The following SAGE1 variants were observed in gnomAD, a reference collection of about 807,000 sequenced individuals.
SAGE1 encodes the protein sarcoma antigen 1.
A neutral mutation model predicts 55.4 loss-of-function variants in SAGE1; 55 were observed. That is an observed-to-expected ratio of 0.99 (90% CI 0.80 to 1.24). The LOEUF (loss-of-function observed/expected upper bound fraction) is 1.24. Among genes scored for constraint, SAGE1 ranks in the 50% most tolerant of loss-of-function variants. SAGE1 has a pLI of 0.00. For synonymous variants in SAGE1, 240 were observed against 244.3 expected (o/e 0.98, Z 0.17); for missense variants, 710 against 704.4 (o/e 1.01, Z -0.09).
At chrX:135,894,935 TA>T (rs1417822776) in intron 1 of SAGE1, among the ~76,000 whole-genome samples, 2 of 111,098 alleles carry the variant, frequency 1.8e-5, no homozygotes, top group African/African-American at 6.6e-5. Flanking sequence ...ATGAGCAGTT[TA>T]TTTTTTTAAT....
Position 135,910,084 on chromosome X carries a change from C to T in SAGE1, c.1778C>T (p.Ala593Val), listed in dbSNP as rs782672126. 102 of 1,204,163 alleles carry T rather than the reference C, an allele frequency of 8.5e-5. No homozygotes were observed. The highest frequency in any genetic ancestry group is 1.1e-4 in the Non-Finnish European group (97 of 890,118). ...HEEKIKNGQAASDNVFSTVPP... is the reference protein window; with the variant it reads ...HEEKIKNGQAVSDNVFSTVPP... ...GAGAAGATTAAAAATGGCCAAGCAG[C>T]ATCCGATAATGTCTTCTCGACTGTT... The change falls in exon 15 of 20, where the codon GCA becomes GTA. Residue 593 changes from alanine to valine, a missense_variant. Transcript: ENST00000370709.
chrX:135,905,923 T>A (rs1303517846), intron 5 of SAGE1, 101 bp from the exon 6 acceptor site: 1 of 745,945 alleles, frequency 1.3e-6, no homozygotes, highest in Non-Finnish European at 2.0e-6. Flanking sequence ...TCCTCCTGGT[T>A]TATGGGATAA....
chrX:135,904,427 T>C (rs1347074728), intron 3 of SAGE1, 50 bp from the exon 4 acceptor site: 29 of 810,180 alleles, frequency 3.6e-5, no homozygotes, highest in Non-Finnish European at 5.4e-5. Flanking sequence ...GCCTGTGCCA[T>C]TGACATAATG....
At position 135,905,310 on chromosome X, in the gene SAGE1, T is replaced by A. The variant is rs782114112; in HGVS notation, c.372T>A (p.Thr124=). The A allele has an allele frequency of 8.3e-7, 1 of 1,206,116 alleles. No individual in the cohort carries two copies. Among genetic ancestry groups the A allele is most frequent in the African/African-American group, 1.8e-5 (1 of 56,965 alleles). The change falls in exon 5 of 20, where the codon ACT becomes ACA. Residue 124 remains threonine (T), a synonymous_variant. Transcript: ENST00000370709. ...EERMENGQSR[T]DKVLSTAPPQ... ...GGATGGAAAATGGCCAATCTCGAACTGACAAAGTCTTGTCAACTGCTCCAC... is the reference window on the plus strand; with the variant it reads ...GGATGGAAAATGGCCAATCTCGAACAGACAAAGTCTTGTCAACTGCTCCAC...
At chrX:135,909,999 T>A in intron 14 of SAGE1, 31 bp from the exon 15 acceptor site, 3 of 1,196,803 alleles carry the variant, frequency 2.5e-6, no homozygotes, top group Non-Finnish European at 3.4e-6. Context: ...TGCACTTAAC[T>A]CAAAACTTAA....
At chrX:135,896,560 C>T (rs868934457) in intron 2 of SAGE1, among the ~76,000 whole-genome samples, 3 of 95,066 alleles carry the variant, frequency 3.2e-5, no homozygotes, top group Non-Finnish European at 4.2e-5. Flanking sequence ...TTATTTATAT[C>T]TTTTTTTTTT....
intron 19 of SAGE1, 150 bp from the exon 20 acceptor site, chrX:135,912,648 C>T (rs2088918818): frequency 9.1e-7 from 1 of 1,098,057 alleles, no homozygotes; most frequent in Non-Finnish European, 1.2e-6. Flanking sequence ...AGTTGACTCA[C>T]TTTGTATTTT....
At chrX:135,901,773 G>A (rs1169376939) in intron 3 of SAGE1, 82 bp downstream of exon 3, 2 of 938,572 alleles carry the variant, frequency 2.1e-6, no homozygotes, top group African/African-American at 2.0e-5. Context: ...ACAGATATGA[G>A]CACATTTGCA....
intron 3 of SAGE1, 39 bp from the exon 4 acceptor site, chrX:135,904,438 C>A: frequency 4.4e-6 from 4 of 909,580 alleles, no homozygotes; most frequent in Non-Finnish European, 6.4e-6. Context: ...TGACATAATG[C>A]ACTTACCTCA....
intron 2 of SAGE1, 58 bp downstream of exon 2, chrX:135,896,387 C>G: frequency 1.2e-6 from 1 of 811,600 alleles, no homozygotes; most frequent in Non-Finnish European, 1.9e-6. Flanking sequence ...TAATTATTTT[C>G]TCATTGGAAA....
At chrX:135,908,024 G>C in intron 10 of SAGE1, 65 bp from the exon 11 acceptor site, 1 of 1,141,026 alleles carries the variant, frequency 8.8e-7, no homozygotes, top group Non-Finnish European at 1.2e-6. Flanking sequence ...CATCAGAGGG[G>C]GTATTCCTGT....
chrX:135,903,922 T>A (rs56051038), intron 3 of SAGE1, among the ~76,000 whole-genome samples: 24,035 of 111,734 alleles, frequency 0.22, 2,031 homozygotes, highest in Non-Finnish European at 0.26. Context: ...TTATCTGACC[T>A]GATCTCTGTC....
Position 135,910,413 on chromosome X carries a change from A to G in SAGE1, c.1865-2A>G, listed in dbSNP as rs781852684. 8 of 1,209,355 alleles carry G rather than the reference A, an allele frequency of 6.6e-6. No homozygotes were observed. Among genetic ancestry groups the G allele is most frequent in the Non-Finnish European group, 4.5e-6 (4 of 894,180 alleles). The stretch of plus-strand genomic sequence containing the variant: ...ACGCCCAACCTCTTCTTTTGTTTCC[A>G]GATGCTGCAGTCACTCACAACATCC... On this transcript the variant is annotated splice_acceptor_variant, in intron 15 of 19. Transcript: ENST00000370709. LOFTEE classifies it high-confidence loss of function.
At chrX:135,908,824 G>A (rs1556604055) in intron 12 of SAGE1, 40 bp from the exon 13 acceptor site, 1 of 1,198,014 alleles carries the variant, frequency 8.3e-7, no homozygotes, top group Admixed American at 2.2e-5. Context: ...TTGACATAAT[G>A]CACGTACCTC....
At position 135,908,610 on chromosome X, in the gene SAGE1, G is replaced by A. The variant is rs1556603935; in HGVS notation, c.1434G>A (p.Arg478=). 2.5e-6 allele frequency: 3 copies of A among 1,193,166 alleles called. No individual in the cohort carries two copies. Among genetic ancestry groups the A allele is most frequent in the South Asian group, 3.8e-5 (2 of 53,045 alleles). The change falls in exon 12 of 20, where the codon AGG becomes AGA. Residue 478 remains arginine, a synonymous_variant. Transcript: ENST00000370709. ...CTAGTATTCCAGCAATGAGTTCCAG[G>A]GATCTGTGTATGTGTGTTTTTTAGT... ...AGASIPAMSS[R]DLYATITHSV...
intron 2 of SAGE1, 107 bp downstream of exon 2, chrX:135,896,436 A>G (rs2088585935): frequency 1.8e-6 from 1 of 546,763 alleles, no homozygotes; most frequent in African/African-American, 2.3e-5. Context: ...TCTTGATTTA[A>G]AAGATAAAAT....
intron 6 of SAGE1, 82 bp downstream of exon 6, chrX:135,906,246 T>G: frequency 9.1e-7 from 1 of 1,100,603 alleles, no homozygotes; most frequent in Non-Finnish European, 1.2e-6. Flanking sequence ...GGTGGTTTTG[T>G]TGTGTTATCG....
rs782050583 is a variant in SAGE1 at position 135,912,428 on chromosome X, G to A, written c.2615+14G>A. On this transcript the variant is annotated intron_variant, in intron 19 of 19. Transcript: ENST00000370709. The stretch of plus-strand genomic sequence containing the variant: ...GGAAGCAGCAAGGTGAGTGCAAAAA[G>A]GAACTGTGCTATTGTTTTAAGCACT... 2.5e-5 allele frequency: 30 copies of A among 1,198,833 alleles called. No individual in the cohort carries two copies. Among genetic ancestry groups the A allele is most frequent in the Non-Finnish European group, 3.2e-5 (29 of 892,457 alleles).
intron 10 of SAGE1, 123 bp from the exon 11 acceptor site, chrX:135,907,966 T>C (rs2088826425): frequency 5.7e-6 from 6 of 1,046,088 alleles, no homozygotes; most frequent in Non-Finnish European, 7.9e-6. Context: ...TTTCAATTGC[T>C]CCCTGGTATA....
Sources: gnomAD v4.1 joint callset for allele counts (sites outside exome capture counted in the v4.1 genomes callset) on GRCh38, gnomAD v4.1.1 for gene constraint, MANE v1.5 for transcripts, NCBI Gene and HGNC (gene_info 2026-07-23, HGNC 2026-07-21) for gene names.